Variants in ANK2 observed in about 807,000 individuals in gnomAD.
ANK2 encodes the protein ankyrin 2.
ANK2 carries 83 observed loss-of-function variants against 360.5 expected under a neutral mutation model. That is an observed-to-expected ratio of 0.23 (90% CI 0.19 to 0.28). The LOEUF is 0.28. Ranked by LOEUF, ANK2 falls within the 10% of genes least tolerant of loss-of-function variation. The pLI is 1.00. For missense variants in ANK2, 4,201 were observed against 4,795.7 expected, an observed-to-expected ratio of 0.88 and a Z score of 3.66; for synonymous variants, 1,740 against 1,759.5, an observed-to-expected ratio of 0.99 and a Z score of 0.28.
intron 2 of ANK2, among the ~76,000 whole-genome samples, chr4:113,007,202 C>T (rs2053188044): frequency 1.3e-5 from 2 of 152,072 alleles, no homozygotes; most frequent in African/African-American, 4.8e-5. Context: ...TGAAGCTGCC[C>T]GATTTGAGTA....
At chr4:113,285,996 A>G (rs2064379755) in intron 18 of ANK2, among the ~76,000 whole-genome samples, 1 of 152,230 alleles carries the variant, frequency 6.6e-6, no homozygotes, top group African/African-American at 2.4e-5. Context: ...AGTTTACCAC[A>G]ATAAACTGCA....
chr4:112,879,343 C>T (rs529138595), intron 1 of ANK2, among the ~76,000 whole-genome samples: 2 of 152,236 alleles, frequency 1.3e-5, no homozygotes, highest in East Asian at 3.9e-4. Flanking sequence ...AGCCAGCTGC[C>T]GTGGTGTATG....
chr4:113,274,370 A>C, intron 14 of ANK2, 82 bp from the exon 15 acceptor site: 1 of 1,435,716 alleles, frequency 7.0e-7, no homozygotes. Context: ...CCAAGAAGAC[A>C]TCATGAAATA....
intron 1 of ANK2, among the ~76,000 whole-genome samples, chr4:113,084,740 G>A (rs2083832634): frequency 1.3e-5 from 2 of 152,256 alleles, no homozygotes; most frequent in Admixed American, 6.5e-5. Context: ...GAACATACGT[G>A]CAACACATTA....
chr4:113,074,884 CAT>C, intron 1 of ANK2, among the ~76,000 whole-genome samples: 1 of 152,280 alleles, frequency 6.6e-6, no homozygotes, highest in Non-Finnish European at 1.5e-5. Flanking sequence ...ATTTTTTTCT[CAT>C]GTGCTACTCC....
chr4:113,148,804 G>A (rs1357846959), intron 1 of ANK2, among the ~76,000 whole-genome samples: 6 of 152,152 alleles, frequency 3.9e-5, no homozygotes, highest in Non-Finnish European at 4.4e-5. Context: ...TTCAAGGGAC[G>A]GAAGGATGGT....
At chr4:112,708,364 A>G in the ANK2 span, among the ~76,000 whole-genome samples, 1 of 152,216 alleles carries the variant, frequency 6.6e-6, no homozygotes, top group Non-Finnish European at 1.5e-5. Flanking sequence ...GTAATTGAGA[A>G]AAGCACAGAA....
At chr4:113,008,783 G>A (rs1420954017) in intron 2 of ANK2, among the ~76,000 whole-genome samples, 1 of 152,052 alleles carries the variant, frequency 6.6e-6, no homozygotes, top group African/African-American at 2.4e-5. Context: ...CCTTGCTGAT[G>A]GTAGGCAGAT....
At chr4:113,195,834 A>G (rs2098738785) in intron 2 of ANK2, among the ~76,000 whole-genome samples, 1 of 152,146 alleles carries the variant, frequency 6.6e-6, no homozygotes, top group Non-Finnish European at 1.5e-5. Flanking sequence ...TTTTTTCCAA[A>G]TTGTTGGTCA....
chr4:113,205,607 T>C (rs1006280282), intron 4 of ANK2, among the ~76,000 whole-genome samples: 1 of 152,228 alleles, frequency 6.6e-6, no homozygotes, highest in East Asian at 1.9e-4. Flanking sequence ...TATTAGCTTT[T>C]GGATTTCTAC....
At chr4:113,130,971 T>G (rs1047413064) in intron 1 of ANK2, among the ~76,000 whole-genome samples, 4 of 152,214 alleles carry the variant, frequency 2.6e-5, no homozygotes, top group African/African-American at 9.6e-5. Flanking sequence ...TTAAAGATGT[T>G]ATGAAGGATG....
intron 1 of ANK2, among the ~76,000 whole-genome samples, chr4:113,119,177 A>G (rs1020964104): frequency 2.0e-5 from 3 of 151,926 alleles, no homozygotes; most frequent in South Asian, 2.1e-4. Context: ...TCACATGTAG[A>G]TATTATATCT....
chr4:113,340,419 C>G (rs2094135792), intron 32 of ANK2, among the ~76,000 whole-genome samples: 1 of 152,092 alleles, frequency 6.6e-6, no homozygotes, highest in African/African-American at 2.4e-5. Flanking sequence ...GAGGCTGGGC[C>G]TGGTGGCTCA....
At chr4:113,049,879 T>C in intron 1 of ANK2, 67 bp downstream of exon 1, 1 of 1,560,532 alleles carries the variant, frequency 6.4e-7, no homozygotes, top group South Asian at 1.1e-5. Flanking sequence ...GAGTGTGTAA[T>C]ATCAGCAAGG....
intron 18 of ANK2, among the ~76,000 whole-genome samples, chr4:113,283,387 A>G (rs1212652347): frequency 6.6e-6 from 1 of 152,158 alleles, no homozygotes; most frequent in Non-Finnish European, 1.5e-5. Flanking sequence ...AGGAAACTCA[A>G]TAAAATACAG....
At chr4:113,045,047 G>GT (rs2063921982), upstream of ANK2, among the ~76,000 whole-genome samples, 1 of 152,126 alleles carries the variant, frequency 6.6e-6, no homozygotes, top group Non-Finnish European at 1.5e-5. Context: ...AAAAATGTTT[G>GT]TAACAACAGA....
the ANK2 span, among the ~76,000 whole-genome samples, chr4:112,713,824 C>T: frequency 6.6e-6 from 1 of 151,592 alleles, no homozygotes; most frequent in African/African-American, 2.4e-5. Context: ...GTCCCAGCTA[C>T]TCGGGAGGCT....
intron 2 of ANK2, among the ~76,000 whole-genome samples, chr4:113,181,391 A>G (rs1355849429): frequency 1.3e-5 from 2 of 152,170 alleles, no homozygotes; most frequent in African/African-American, 4.8e-5. Flanking sequence ...GTAGAATCGC[A>G]GCATTTTTTT....
At chr4:113,043,918 A>G (rs1250309256) in intron 2 of ANK2, among the ~76,000 whole-genome samples, 1 of 152,020 alleles carries the variant, frequency 6.6e-6, no homozygotes, top group African/African-American at 2.4e-5. Flanking sequence ...CCTTTTTGCT[A>G]CCCACCCCTA....
Sources: gnomAD v4.1 joint callset for allele counts (sites outside exome capture counted in the v4.1 genomes callset) on GRCh38, gnomAD v4.1.1 for gene constraint, MANE v1.5 for transcripts, NCBI Gene and HGNC (gene_info 2026-07-23, HGNC 2026-07-21) for gene names.